Variants in PSORS1C1 observed in about 807,000 individuals in gnomAD.
PSORS1C1 encodes psoriasis susceptibility 1 candidate 1.
In PSORS1C1, 7 loss-of-function variants were observed where a neutral mutation model predicts 9.4. The ratio of observed to expected loss-of-function variants is 0.75; its 90% confidence interval spans 0.42 to 1.40. PSORS1C1 has a LOEUF of 1.40. Ranked by LOEUF, PSORS1C1 falls within the 40% of genes most tolerant of loss-of-function variation. The probability of loss-of-function intolerance (pLI) is 0.01; values close to 1 mark genes in which losing one functional copy is unlikely to be tolerated. For missense variants in PSORS1C1, 146 were observed against 178.1 expected (o/e 0.82, Z 1.02); for synonymous variants, 63 against 69.4 (o/e 0.91, Z 0.46).
In PSORS1C1 at chr6:31,139,695, C is replaced by G. The variant is rs1773348922; in HGVS notation, c.222C>G (p.Thr74=). Residue 74 remains threonine (T), a synonymous_variant, in exon 6 of 6, where the codon ACC becomes ACG. Coordinates refer to ENST00000259881, the MANE Select transcript of PSORS1C1 (RefSeq NM_014068.3). The surrounding 1 kb of genome is among the most constrained non-coding windows in gnomAD (Gnocchi z 5.2). ...CCAAGGAATTCCATCTGGCAGCCAC[C>G]CAGGATGACTGCAGAAAAGGAAGGA... ...MISKEFHLAA[T]QDDCRKGRTQ... The G allele has an allele frequency of 1.2e-6, 2 of 1,613,042 alleles. No individual in the cohort carries two copies. The highest frequency in any genetic ancestry group is 8.5e-7 in the Non-Finnish European group (1 of 1,180,016).
In PSORS1C1 at chr6:31,139,646, C is replaced by G; in HGVS notation, c.173C>G (p.Ala58Gly). ...HMEPANHFWH[A>G]GDLQAMISKE... is the part of the protein sequence containing the mutation. ...TCCACCATGTCCTTCTTCAGGCATG[C>G]AGGGGACCTCCAAGCAATGATATCC... The change falls in exon 6 of 6, where the codon GCA (alanine) becomes GGA (glycine). Residue 58 changes from alanine (A) to glycine (G), a missense_variant. Physicochemically the swap from Ala to Gly is moderately conservative, Grantham distance 60. Transcript: ENST00000259881. The surrounding 1 kb of genome is among the most constrained non-coding windows in gnomAD (Gnocchi z 5.2). 6.2e-7 allele frequency: 1 copy of G among 1,611,472 alleles called. No individual in the cohort carries two copies. The highest frequency in any genetic ancestry group is 1.1e-5 in the South Asian group (1 of 91,060).
At position 31,139,466 on chromosome 6, in the gene PSORS1C1, T is replaced by TG. The variant is rs1202846993; in HGVS notation, c.168-174dup. 8.0e-6 allele frequency: 5 copies of TG among 623,196 alleles called. No individual in the cohort carries two copies. Among genetic ancestry groups the TG allele is most frequent in the Admixed American group, 5.8e-5 (2 of 34,498 alleles). The allele number at this position is 623,196 out of a possible 1,614,324, so 38.6% of individuals were successfully genotyped here. On this transcript the variant is annotated intron_variant, in intron 5 of 5. Transcript: ENST00000259881. This position sits in a 1 kb window ranked among gnomAD's most constrained non-coding sequence, Gnocchi z 5.2. ...GGGTTGGGAGGCAGGATGCCTGCGC[T>TG]GAGGGAGGAGGTGCTTTTCAAACCT... is the stretch of plus-strand genomic sequence containing the variant.
At chr6:31,123,944 TGA>T (rs1443817361) in intron 1 of PSORS1C1, among the ~76,000 whole-genome samples, 1 of 152,036 alleles carries the variant, frequency 6.6e-6, no homozygotes, top group Non-Finnish European at 1.5e-5. Flanking sequence ...TGAGGAATGA[TGA>T]GAGAAGCACA....
intron 3 of PSORS1C1, among the ~76,000 whole-genome samples, chr6:31,136,421 G>GA (rs1773140565): frequency 6.6e-6 from 1 of 151,216 alleles, no homozygotes; most frequent in Admixed American, 6.6e-5. Flanking sequence ...GAAAGAAAAT[G>GA]AATCTCTTAA....
chr6:31,123,180 G>A (rs1360799678), intron 1 of PSORS1C1, among the ~76,000 whole-genome samples: 1 of 152,232 alleles, frequency 6.6e-6, no homozygotes, highest in South Asian at 2.1e-4. Flanking sequence ...GTGCAGCCAC[G>A]TCCCTCCTCC....
chr6:31,134,614 T>C (rs1379537840), intron 3 of PSORS1C1, among the ~76,000 whole-genome samples: 1 of 152,070 alleles, frequency 6.6e-6, no homozygotes, highest in Admixed American at 6.6e-5. Flanking sequence ...CTCTCATATG[T>C]AGTTTTTAAT....
intron 1 of PSORS1C1, among the ~76,000 whole-genome samples, chr6:31,119,113 G>A (rs1263977270): frequency 6.6e-6 from 1 of 151,868 alleles, no homozygotes; most frequent in Admixed American, 6.6e-5. Flanking sequence ...TGAAATGTTG[G>A]GATTACAGGC....
At chr6:31,135,496 C>G (rs911537790) in intron 3 of PSORS1C1, among the ~76,000 whole-genome samples, 2 of 152,102 alleles carry the variant, frequency 1.3e-5, no homozygotes, top group Non-Finnish European at 2.9e-5. Flanking sequence ...GGATTACAGG[C>G]GTGAGCCACC....
intron 1 of PSORS1C1, among the ~76,000 whole-genome samples, chr6:31,122,640 G>C (rs184479947): frequency 7.9e-5 from 12 of 152,166 alleles, no homozygotes; most frequent in South Asian, 4.1e-4. Context: ...TTAGCCAGGC[G>C]TGGTGGTGGG....
Position 31,139,670 on chromosome 6 carries a change from C to G in PSORS1C1, c.197C>G (p.Ser66Cys), listed in dbSNP as rs2233943. ...GCAGGGGACCTCCAAGCAATGATAT[C>G]CAAGGAATTCCATCTGGCAGCCACC... Reference protein sequence around the residue: ...WHAGDLQAMISKEFHLAATQD... With the variant: ...WHAGDLQAMICKEFHLAATQD... The change falls in exon 6 of 6, where the codon TCC becomes TGC. Residue 66 changes from serine to cysteine, a missense_variant. Transcript: ENST00000259881. The surrounding 1 kb of genome is among the most constrained non-coding windows in gnomAD (Gnocchi z 5.2). The G allele has an allele frequency of 2.0e-3, 3,301 of 1,612,878 alleles. 39 individuals are homozygous for G. The African/African-American group carries it at 0.021, about 10-fold the overall frequency.
rs1350201405 is a variant in PSORS1C1, at chr6:31,129,569, C to A, written c.-64C>A. On this transcript the variant is annotated splice_region_variant and 5_prime_UTR_variant, in exon 3 of 6. Transcript: ENST00000259881. ...CCCACTCACCTACCTGCCATGTCAG[C>A]CTGGGAAGAATTGGTTTGCAGCCAG... 5.1e-6 allele frequency: 4 copies of A among 777,682 alleles called. No homozygotes were observed. Among genetic ancestry groups the A allele is most frequent in the Non-Finnish European group, 9.6e-6 (4 of 417,182 alleles). 48.2% of individuals were successfully genotyped at this position (777,682 alleles called of 1,614,324 possible).
rs141551697 is a variant in PSORS1C1, at chr6:31,128,948, C to T, written c.-64-621C>T. Reference sequence around the variant, plus strand: ...GGACTGTCACCATCACATAGCACCCCACAGAGCAGATGCTCAATGAATGTT... The same window carrying T: ...GGACTGTCACCATCACATAGCACCCTACAGAGCAGATGCTCAATGAATGTT... On this transcript the variant is annotated intron_variant, in intron 2 of 5. Transcript: ENST00000259881. The surrounding 1 kb of genome is among the most constrained non-coding windows in gnomAD (Gnocchi z 4.3). Among the ~76,000 whole-genome samples the T allele has an allele frequency of 6.6e-6, 1 of 152,288 alleles. No homozygotes were observed. The highest frequency in any genetic ancestry group is 1.5e-5 in the Non-Finnish European group (1 of 68,016).
chr6:31,117,133 A>G, intron 1 of PSORS1C1: 1 of 1,612,970 alleles, frequency 6.2e-7, no homozygotes. Flanking sequence ...GCTGAACTGA[A>G]AGCTGCTGCT....
intron 3 of PSORS1C1, among the ~76,000 whole-genome samples, chr6:31,135,509 G>A (rs1773101920): frequency 6.6e-6 from 1 of 152,156 alleles, no homozygotes; most frequent in African/African-American, 2.4e-5. Context: ...GAGCCACCAT[G>A]CCTGGCCATG....
intron 3 of PSORS1C1, among the ~76,000 whole-genome samples, chr6:31,133,968 A>G (rs1230939368): frequency 6.6e-6 from 1 of 151,924 alleles, no homozygotes; most frequent in Non-Finnish European, 1.5e-5. Context: ...TTCGGACCAC[A>G]TGTAGTTTTT....
chr6:31,138,730 C>A lies in PSORS1C1; in HGVS notation c.118C>A (p.His40Asn), dbSNP rs145912990. 21 of 1,611,812 alleles carry A rather than the reference C, an allele frequency of 1.3e-5. No individual in the cohort carries two copies. The highest frequency in any genetic ancestry group is 4.0e-5 in the African/African-American group (3 of 74,458). The change falls in exon 5 of 6, where the codon CAC becomes AAC. Residue 40 changes from histidine (H) to asparagine (N), a missense_variant. Physicochemically the swap from His to Asn is moderately conservative, Grantham distance 68. Coordinates refer to ENST00000259881, the MANE Select transcript of PSORS1C1 (RefSeq NM_014068.3). ...DPSSEETRPPHVNPDRLCHME... is the reference protein window; with the variant it reads ...DPSSEETRPPNVNPDRLCHME... ...CAGCTCCGAGGAAACTCGTCCCCCC[C>A]ACGTTAATCCTGACCGACTTTGCCA...
intron 1 of PSORS1C1, chr6:31,117,008 C>A: frequency 2.5e-6 from 4 of 1,614,218 alleles, no homozygotes; most frequent in Non-Finnish European, 3.4e-6. Flanking sequence ...CTGGATACCC[C>A]AAAGGTCTGG....
intron 1 of PSORS1C1, chr6:31,117,911 C>CTTGAA (rs746283544): frequency 2.0e-5 from 5 of 245,200 alleles, no homozygotes; most frequent in Non-Finnish European, 3.2e-5. Flanking sequence ...CCAGCCTGGG[C>CTTGAA]AACATAGACC....
intron 2 of PSORS1C1, among the ~76,000 whole-genome samples, chr6:31,129,174 C>CT (rs34176602): frequency 2.0e-5 from 3 of 151,632 alleles, no homozygotes; most frequent in East Asian, 3.9e-4. Flanking sequence ...GTTCTAGGTT[C>CT]TTTTTTTTTC....
Sources: allele counts gnomAD v4.1 joint callset (sites outside exome capture counted in the v4.1 genomes callset), GRCh38; gene constraint gnomAD v4.1.1; non-coding constraint Gnocchi (gnomAD v3.1); transcripts MANE v1.5; gene names NCBI Gene and HGNC (gene_info 2026-07-23, HGNC 2026-07-21).